The following SYNPO2 variants were observed in gnomAD, a reference collection of about 807,000 sequenced individuals.
SYNPO2 encodes synaptopodin-2.
SYNPO2 carries 56 observed loss-of-function variants against 85.0 expected under a neutral mutation model. The observed-to-expected ratio is 0.66, with a 90% CI of 0.53 to 0.82. The LOEUF (loss-of-function observed/expected upper bound fraction) is 0.82, where lower values mean the gene tolerates loss of function less well. SYNPO2 is among the 40% of genes least tolerant of loss of function. The pLI, the probability that SYNPO2 is intolerant of heterozygous loss-of-function variation, is 0.00. For missense variants in SYNPO2, 1,575 were observed against 1,534.2 expected, an observed-to-expected ratio of 1.03 and a Z score of -0.44; for synonymous variants, 602 against 591.1, an observed-to-expected ratio of 1.02 and a Z score of -0.27.
Position 118,975,830 on chromosome 4 carries a change from A to G in SYNPO2, c.106-47600A>G, listed in dbSNP as rs114591392. On this transcript the variant is annotated intron_variant, in intron 1 of 4. Coordinates refer to ENST00000307142, the MANE Select transcript of SYNPO2 (RefSeq NM_133477.3). ...CACAGCCTGAGAGGGAATCTACCAT[A>G]GTAAATGCCTTTGAACTTGAATTTC... Among the ~76,000 whole-genome samples, 867 of 152,352 alleles carry G rather than the reference A, an allele frequency of 5.7e-3. 8 individuals carry two copies. Among genetic ancestry groups the G allele is most frequent in the African/African-American group, 0.02 (833 of 41,578 alleles).
intron 1 of SYNPO2, among the ~76,000 whole-genome samples, chr4:119,007,216 GTATATATATATATATA>G (rs66895824): frequency 0.041 from 1,893 of 46,304 alleles, 173 homozygotes; most frequent in African/African-American, 0.12. Flanking sequence ...AAGAACAAAG[GTATATATATATATATA>G]TATATATATA....
intron 1 of SYNPO2, among the ~76,000 whole-genome samples, chr4:119,017,163 A>G (rs1737554960): frequency 6.6e-6 from 1 of 152,154 alleles, no homozygotes; most frequent in Non-Finnish European, 1.5e-5. Flanking sequence ...TTGAATTTAC[A>G]CCTGTCACCA....
chr4:118,883,530 G>C (rs1369259269), intron 1 of SYNPO2, among the ~76,000 whole-genome samples: 1 of 152,118 alleles, frequency 6.6e-6, no homozygotes. Flanking sequence ...AAGATAGAAT[G>C]GGTATTATTT....
chr4:118,892,157 C>T (rs922691318), intron 1 of SYNPO2, among the ~76,000 whole-genome samples: 4 of 152,064 alleles, frequency 2.6e-5, no homozygotes, highest in Non-Finnish European at 4.4e-5. Flanking sequence ...TTGAACTATA[C>T]GCAAACCCCA....
At chr4:119,021,794 C>T (rs998852205) in intron 1 of SYNPO2, among the ~76,000 whole-genome samples, 1 of 152,122 alleles carries the variant, frequency 6.6e-6, no homozygotes, top group Non-Finnish European at 1.5e-5. Flanking sequence ...TTGTTGGAAC[C>T]TAACGAGTTA....
chr4:118,870,268 G>A (rs1731778679), intron 1 of SYNPO2, among the ~76,000 whole-genome samples: 1 of 152,228 alleles, frequency 6.6e-6, no homozygotes, highest in African/African-American at 2.4e-5. Context: ...GAAACTCTCA[G>A]CTGTTAGCTT....
At chr4:118,972,508 T>C (rs1411206713) in intron 1 of SYNPO2, among the ~76,000 whole-genome samples, 2 of 152,170 alleles carry the variant, frequency 1.3e-5, no homozygotes, top group Non-Finnish European at 2.9e-5. Context: ...TTTCCCCAAA[T>C]AGGAAAATAA....
At chr4:118,930,917 CAAAAA>C (rs55944813) in intron 1 of SYNPO2, among the ~76,000 whole-genome samples, 3,339 of 124,726 alleles carry the variant, frequency 0.027, 114 homozygotes, top group African/African-American at 0.087. Context: ...TACCTTGCCT[CAAAAA>C]AAAAAAAAAA....
chr4:118,903,773 G>A (rs1459722881), intron 1 of SYNPO2, among the ~76,000 whole-genome samples: 2 of 151,826 alleles, frequency 1.3e-5, no homozygotes, highest in African/African-American at 2.4e-5. Context: ...GTGCAGTGGC[G>A]TGATCTCGGC....
rs367817127 is a variant in SYNPO2 at position 118,898,737 on chromosome 4, G to A, written c.105+9596G>A. 4.6e-5 allele frequency among the ~76,000 whole-genome samples: 7 copies of A among 152,254 alleles called. No individual in the cohort carries two copies. The South Asian group carries it at 6.2e-4, about 14-fold the overall frequency. The stretch of plus-strand genomic sequence containing the variant: ...CAGTGAGGCTTGTTCACAGGCCGAC[G>A]GCCCCGCTGTGGCACATGAAGCTCT... On this transcript the variant is annotated intron_variant, in intron 1 of 4. Coordinates refer to ENST00000307142, the MANE Select transcript of SYNPO2 (RefSeq NM_133477.3).
chr4:119,028,114 T>C (rs930120834), intron 3 of SYNPO2, among the ~76,000 whole-genome samples: 1 of 152,178 alleles, frequency 6.6e-6, no homozygotes, highest in Non-Finnish European at 1.5e-5. Context: ...GTGCTTTGTA[T>C]GGCATTTTGT....
At chr4:118,898,401 A>G (rs1267072230) in intron 1 of SYNPO2, among the ~76,000 whole-genome samples, 1 of 152,112 alleles carries the variant, frequency 6.6e-6, no homozygotes, top group Non-Finnish European at 1.5e-5. Context: ...CCTTGAGTTC[A>G]TGCTACAGAG....
chr4:118,995,837 TTATC>T (rs2149170231), intron 1 of SYNPO2, among the ~76,000 whole-genome samples: 1 of 152,052 alleles, frequency 6.6e-6, no homozygotes, highest in African/African-American at 2.4e-5. Flanking sequence ...CTTTCATTCT[TTATC>T]TGTCCATGTA....
At chr4:118,993,922 A>G (rs1164349665) in intron 1 of SYNPO2, among the ~76,000 whole-genome samples, 1 of 152,228 alleles carries the variant, frequency 6.6e-6, no homozygotes, top group Non-Finnish European at 1.5e-5. Flanking sequence ...TGCTTTGCCT[A>G]GTCTTACCTA....
chr4:119,058,061 T>C lies in SYNPO2; in HGVS notation c.*127T>C, dbSNP rs1469564064. 7 of 1,028,214 alleles carry C rather than the reference T, an allele frequency of 6.8e-6. No homozygotes were observed. In the African/African-American group the frequency reaches 1.2e-4, roughly 17 times the overall value. 63.7% of individuals were successfully genotyped at this position (1,028,214 alleles called of 1,614,324 possible). On this transcript the variant is annotated 3_prime_UTR_variant, in exon 5 of 5. Coordinates refer to ENST00000307142, the MANE Select transcript of SYNPO2 (RefSeq NM_133477.3). ...TTGGCTTGTTCTCATAAGTCATTTA[T>C]CTAAGTTTGTGTTTCTGTGTGTGTG...
chr4:118,897,918 C>T (rs1217296015), intron 1 of SYNPO2, among the ~76,000 whole-genome samples: 1 of 152,148 alleles, frequency 6.6e-6, no homozygotes, highest in African/African-American at 2.4e-5. Flanking sequence ...ACCTGCTTTT[C>T]TTGTTCTGAC....
rs1733368819 is a variant in SYNPO2, at chr4:118,917,217, C to T, written c.105+28076C>T. Among the ~76,000 whole-genome samples, 8 of 152,172 alleles carry T rather than the reference C, an allele frequency of 5.3e-5. No homozygotes were observed. In the South Asian group the frequency reaches 1.7e-3, roughly 32 times the overall value. ...GACCAGCCTGGCCAACATGATGAAACCCCGTCTCTACTAAAAATACAAAAA... is the reference window on the plus strand; with the variant it reads ...GACCAGCCTGGCCAACATGATGAAATCCCGTCTCTACTAAAAATACAAAAA... On this transcript the variant is annotated intron_variant, in intron 1 of 4. Transcript: ENST00000307142.
intron 1 of SYNPO2, among the ~76,000 whole-genome samples, chr4:119,007,177 TGAG>T (rs993267021): frequency 8.5e-5 from 11 of 130,134 alleles, no homozygotes; most frequent in Non-Finnish European, 1.6e-4. Context: ...CACACAAGAA[TGAG>T]GAGACTGAAA....
chr4:118,994,886 G>C (rs1426071549), intron 1 of SYNPO2, among the ~76,000 whole-genome samples: 3 of 152,110 alleles, frequency 2.0e-5, no homozygotes, highest in Admixed American at 1.3e-4. Flanking sequence ...ATCTGAATAG[G>C]AGATAAGATG....
Sources: allele counts gnomAD v4.1 joint callset (sites outside exome capture counted in the v4.1 genomes callset), GRCh38; gene constraint gnomAD v4.1.1; transcripts MANE v1.5; gene names NCBI Gene and HGNC (gene_info 2026-07-23, HGNC 2026-07-21).